Variants in SLITRK2 observed in about 807,000 individuals in gnomAD.
The protein encoded by SLITRK2 is SLIT and NTRK-like protein 2.
Under a neutral mutation model 35.4 loss-of-function variants are expected in SLITRK2, and 13 were observed. That is an observed-to-expected ratio of 0.37 (90% CI 0.24 to 0.58). The LOEUF (loss-of-function observed/expected upper bound fraction) is 0.58. Among genes scored for constraint, SLITRK2 ranks in the 20% least tolerant of loss-of-function variants. SLITRK2 has a pLI of 0.75. For synonymous variants in SLITRK2, 294 were observed against 264.7 expected, an observed-to-expected ratio of 1.11 and a Z score of -1.07; for missense variants, 471 against 634.3, an observed-to-expected ratio of 0.74 and a Z score of 2.76.
chrX:145,824,741 C>T lies in SLITRK2; in HGVS notation c.2316C>T (p.Val772=), dbSNP rs1447589681. 8.3e-7 allele frequency: 1 copy of T among 1,209,239 alleles called. No homozygotes were observed. Among genetic ancestry groups the T allele is most frequent in the African/African-American group, 1.8e-5 (1 of 56,972 alleles). The change falls in exon 5 of 5, where the codon GTC becomes GTT. Residue 772 remains valine (V), a synonymous_variant. Coordinates refer to ENST00000335565, the MANE Select transcript of SLITRK2 (RefSeq NM_032539.5). ...RVKELPSAGL[V]HYNFCTLPKR... Reference sequence around the variant, plus strand: ...AGGAACTTCCCAGCGCAGGCCTAGTCCACTATAACTTTTGTACCTTACCTA... The same window carrying T: ...AGGAACTTCCCAGCGCAGGCCTAGTTCACTATAACTTTTGTACCTTACCTA...
rs782118795 is a variant in SLITRK2, at chrX:145,824,837, T to C, written c.2412T>C (p.Tyr804=). The C allele has an allele frequency of 9.9e-6, 12 of 1,209,821 alleles. No homozygotes were observed. The highest frequency in any genetic ancestry group is 1.2e-5 in the Non-Finnish European group (11 of 895,319). Residue 804 remains tyrosine, a synonymous_variant, in exon 5 of 5, where the codon TAT becomes TAC. Transcript: ENST00000335565. ...ACAGAATCAATAAAACCGTTTTATA[T>C]GGAACTCCCAGGAAATGCTTTGTGG... is the stretch of plus-strand genomic sequence containing the variant. ...NQDRINKTVL[Y]GTPRKCFVGQ...
chrX:145,825,169 C>CTTTTTTTTTTTTTTTT lies in SLITRK2; in HGVS notation c.*213_*228dup, dbSNP rs5904151. 6.2e-6 allele frequency: 1 copy of CTTTTTTTTTTTTTTTT among 162,320 alleles called. No homozygotes were observed. The highest frequency in any genetic ancestry group is 1.0e-5 in the Non-Finnish European group (1 of 95,281). 13.4% of individuals were successfully genotyped at this position (162,320 alleles called of 1,213,427 possible). A position where few individuals can be genotyped will look rare whatever the true frequency, so the allele number is the denominator to read the frequency against. Reference sequence around the variant, plus strand: ...ATTTCTCTCTCGCTCTCCTCCCCTCCTTTTTTTTTTTTTTTTTTTTTTCTT... The same window carrying CTTTTTTTTTTTTTTTT: ...ATTTCTCTCTCGCTCTCCTCCCCTCCTTTTTTTTTTTTTTTTTTTTTTTTTTTTTTTTTTTTTTCTT... On this transcript the variant is annotated 3_prime_UTR_variant, in exon 5 of 5. Transcript: ENST00000335565.
Position 145,829,156 on chromosome X carries a change from C to T in SLITRK2, c.*4193C>T, listed in dbSNP as rs1556946365. On this transcript the variant is annotated 3_prime_UTR_variant, in exon 5 of 5. Transcript: ENST00000335565. ...AAGTACTGTATATAGGTGTACTTTG[C>T]TTCTCACAATGATTGTGCAAAAAGT... 1.6e-5 allele frequency: 2 copies of T among 123,640 alleles called. No homozygotes were observed. The highest frequency in any genetic ancestry group is 6.5e-5 in the African/African-American group (2 of 30,912). 10.2% of individuals were successfully genotyped at this position (123,640 alleles called of 1,213,427 possible).
In SLITRK2 at chrX:145,817,935, G is replaced by C. The variant is rs2072913032; in HGVS notation, c.-884G>C. ...CGCGGTGCTCTCGCTCCTGGGCTGCGCCAGTCCGAGGCGGTGCCGGCTCCT... is the reference window on the plus strand; with the variant it reads ...CGCGGTGCTCTCGCTCCTGGGCTGCCCCAGTCCGAGGCGGTGCCGGCTCCT... On this transcript the variant is annotated 5_prime_UTR_variant, in exon 1 of 5. Transcript: ENST00000335565. 9.1e-6 allele frequency: 1 copy of C among 109,816 alleles called. No individual in the cohort carries two copies. The highest frequency in any genetic ancestry group is 1.9e-5 in the Non-Finnish European group (1 of 52,499). 9.1% of individuals were successfully genotyped at this position (109,816 alleles called of 1,213,427 possible). A position where few individuals can be genotyped will look rare whatever the true frequency, so the allele number is the denominator to read the frequency against.
intron 2 of SLITRK2, chrX:145,821,101 ACT>A (rs1232702041): frequency 4.9e-3 from 342 of 69,978 alleles, no homozygotes; most frequent in African/African-American, 0.017. Flanking sequence ...ACACACACAC[ACT>A]CTCTCTCTCT....
Position 145,824,619 on chromosome X carries a change from A to G in SLITRK2, c.2194A>G (p.Thr732Ala), listed in dbSNP as rs781895383. 1 of 1,211,031 alleles carries G rather than the reference A, an allele frequency of 8.3e-7. No homozygotes were observed. The highest frequency in any genetic ancestry group is 1.1e-6 in the Non-Finnish European group (1 of 895,416). ...NLEEKKEEPA[T>A]PAYTISATEL... ...GGAGGAGAAAAAAGAAGAGCCAGCCACACCTGCTTACACAATAAGTGCCAC... is the reference window on the plus strand; with the variant it reads ...GGAGGAGAAAAAAGAAGAGCCAGCCGCACCTGCTTACACAATAAGTGCCAC... Residue 732 changes from threonine to alanine, a missense_variant, in exon 5 of 5, where the codon ACA (threonine) becomes GCA (alanine). Thr to Ala is a moderately conservative substitution (Grantham distance 58, BLOSUM62 0). Coordinates refer to ENST00000335565, the MANE Select transcript of SLITRK2 (RefSeq NM_032539.5).
chrX:145,823,362 C>A lies in SLITRK2; in HGVS notation c.937C>A (p.Pro313Thr). Residue 313 changes from proline (P) to threonine (T), a missense_variant, in exon 5 of 5, where the codon CCT becomes ACT. Transcript: ENST00000335565. ...RPPKMRNRPT[P>T]RVTVSKDRQS... ...GCCCAAAATGAGAAATCGTCCAACT[C>A]CTCGAGTGACTGTGTCAAAGGACAG... is the stretch of plus-strand genomic sequence containing the variant. The A allele has an allele frequency of 8.3e-7, 1 of 1,211,455 alleles. No homozygotes were observed. The highest frequency in any genetic ancestry group is 1.1e-6 in the Non-Finnish European group (1 of 895,358).
At position 145,817,845 on chromosome X, in the gene SLITRK2, G is replaced by T. The variant is rs1257624155; in HGVS notation, c.-974G>T. The T allele has an allele frequency of 1.9e-5, 2 of 104,768 alleles. No individual in the cohort carries two copies. The highest frequency in any genetic ancestry group is 7.0e-5 in the African/African-American group (2 of 28,482). The allele number at this position is 104,768 out of a possible 1,213,427, so 8.6% of individuals were successfully genotyped here. A position where few individuals can be genotyped will look rare whatever the true frequency, so the allele number is the denominator to read the frequency against. On this transcript the variant is annotated 5_prime_UTR_variant, in exon 1 of 5. Transcript: ENST00000335565. ...CCTCCCTCCCTCCTTCCTGCAAGAAGCGTTGCCCGTTGGCTAGCTGCTCGG... is the reference window on the plus strand; with the variant it reads ...CCTCCCTCCCTCCTTCCTGCAAGAATCGTTGCCCGTTGGCTAGCTGCTCGG...
In SLITRK2 at chrX:145,826,087, G is replaced by A. The variant is rs1299773920; in HGVS notation, c.*1124G>A. Reference sequence around the variant, plus strand: ...CTATAAACACACACCAGTAGAGGCCGCCACACACCTCATTTAACAAAGACA... The same window carrying A: ...CTATAAACACACACCAGTAGAGGCCACCACACACCTCATTTAACAAAGACA... On this transcript the variant is annotated 3_prime_UTR_variant, in exon 5 of 5. Coordinates refer to ENST00000335565, the MANE Select transcript of SLITRK2 (RefSeq NM_032539.5). 4 of 111,094 alleles carry A rather than the reference G, an allele frequency of 3.6e-5. No homozygotes were observed. The highest frequency in any genetic ancestry group is 9.8e-5 in the African/African-American group (3 of 30,596). The allele number at this position is 111,094 out of a possible 1,213,427, so 9.2% of individuals were successfully genotyped here. A position where few individuals can be genotyped will look rare whatever the true frequency, so the allele number is the denominator to read the frequency against.
At chrX:145,819,067 A>C (rs1569505655) in intron 1 of SLITRK2, 2 of 110,953 alleles carry the variant, frequency 1.8e-5, no homozygotes, top group Non-Finnish European at 3.8e-5. Context: ...TTACCCATGA[A>C]TTTCCTTGAT....
rs1459964275 is a variant in SLITRK2, at chrX:145,818,026, G to C, written c.-793G>C. On this transcript the variant is annotated splice_region_variant and 5_prime_UTR_variant, in exon 1 of 5. Coordinates refer to ENST00000335565, the MANE Select transcript of SLITRK2 (RefSeq NM_032539.5). ...AAAGATCTGGGCGGCGCGCTCGCTC[G>C]GTAAGTTCTGAGCACTCAGGGACGC... The C allele has an allele frequency of 9.0e-6, 1 of 110,652 alleles. No individual in the cohort carries two copies. The highest frequency in any genetic ancestry group is 1.9e-5 in the Non-Finnish European group (1 of 52,743). 9.1% of individuals were successfully genotyped at this position (110,652 alleles called of 1,213,427 possible).
rs2073060325 is a variant in SLITRK2 at position 145,823,352 on chromosome X, T to C, written c.927T>C (p.Asn309=). ...CCAGCCGGCCGCCCAAAATGAGAAA[T>C]CGTCCAACTCCTCGAGTGACTGTGT... The part of the protein sequence containing the change: ...PKASRPPKMR[N]RPTPRVTVSK... Residue 309 remains asparagine, a synonymous_variant, in exon 5 of 5, where the codon AAT becomes AAC. Coordinates refer to ENST00000335565, the MANE Select transcript of SLITRK2 (RefSeq NM_032539.5). 1 of 1,208,993 alleles carries C rather than the reference T, an allele frequency of 8.3e-7. No individual in the cohort carries two copies. Among genetic ancestry groups the C allele is most frequent in the Non-Finnish European group, 1.1e-6 (1 of 894,929 alleles).
intron 4 of SLITRK2, 46 bp from the exon 5 acceptor site, chrX:145,822,337 T>C: frequency 3.6e-6 from 3 of 840,221 alleles, no homozygotes; most frequent in Non-Finnish European, 5.1e-6. Context: ...GGCTTCCTTG[T>C]TTCTTTCTTC....
chrX:145,819,004 CA>C (rs2072942906), intron 1 of SLITRK2: 1 of 111,593 alleles, frequency 9.0e-6, no homozygotes, highest in South Asian at 3.8e-4. Context: ...CTCTCAAGGA[CA>C]GGCAGGAACG....
rs1020673617 is a variant in SLITRK2, at chrX:145,826,441, C to T, written c.*1478C>T. On this transcript the variant is annotated 3_prime_UTR_variant, in exon 5 of 5. Coordinates refer to ENST00000335565, the MANE Select transcript of SLITRK2 (RefSeq NM_032539.5). ...TAGGCTTGTGTTACTTGAAGTTTTC[C>T]TTGTCAGCTTGAGCAAGACTTTCAT... The T allele has an allele frequency of 7.2e-5, 8 of 111,752 alleles. No individual in the cohort carries two copies. The highest frequency in any genetic ancestry group is 1.5e-4 in the Non-Finnish European group (8 of 53,103). The allele number at this position is 111,752 out of a possible 1,213,427, so 9.2% of individuals were successfully genotyped here. A position where few individuals can be genotyped will look rare whatever the true frequency, so the allele number is the denominator to read the frequency against.
Position 145,827,690 on chromosome X carries a change from C to T in SLITRK2, c.*2727C>T, listed in dbSNP as rs1480514697. 2.7e-6 allele frequency: 3 copies of T among 1,121,759 alleles called. No individual in the cohort carries two copies. Among genetic ancestry groups the T allele is most frequent in the Non-Finnish European group, 3.6e-6 (3 of 836,555 alleles). 92.4% of individuals were successfully genotyped at this position (1,121,759 alleles called of 1,213,427 possible). On this transcript the variant is annotated 3_prime_UTR_variant, in exon 5 of 5. Transcript: ENST00000335565. ...TGAAATTATTTGAATGTATTCCAGACTATTTTATTTAAAATCATCATACAT... is the reference window on the plus strand; with the variant it reads ...TGAAATTATTTGAATGTATTCCAGATTATTTTATTTAAAATCATCATACAT...
chrX:145,826,714 G>T lies in SLITRK2; in HGVS notation c.*1751G>T, dbSNP rs1556945961. ...AAGCAAGCGATGGCGTCTGAAAGAA[G>T]CACACTGTTTCCTTTTCATAAATAG... On this transcript the variant is annotated 3_prime_UTR_variant, in exon 5 of 5. Coordinates refer to ENST00000335565, the MANE Select transcript of SLITRK2 (RefSeq NM_032539.5). 2.7e-5 allele frequency: 3 copies of T among 112,139 alleles called. No homozygotes were observed. Among genetic ancestry groups the T allele is most frequent in the Non-Finnish European group, 5.6e-5 (3 of 53,156 alleles). 9.2% of individuals were successfully genotyped at this position (112,139 alleles called of 1,213,427 possible).
intron 2 of SLITRK2, chrX:145,820,805 T>C (rs1287111355): frequency 9.1e-6 from 1 of 110,247 alleles, no homozygotes; most frequent in African/African-American, 3.3e-5. Context: ...AGAAAAGGGG[T>C]TTGTTTTTGT....
At chrX:145,819,769 C>T (rs1247595908) in intron 1 of SLITRK2, 1 of 111,527 alleles carries the variant, frequency 9.0e-6, no homozygotes, top group Non-Finnish European at 1.9e-5. Context: ...CAAGTTTGCC[C>T]TTCTCTATGG....
Sources: gnomAD v4.1 joint callset for allele counts on GRCh38, gnomAD v4.1.1 for gene constraint, MANE v1.5 for transcripts, NCBI Gene and HGNC (gene_info 2026-07-23, HGNC 2026-07-21) for gene names.